TTC7A: variants seen among roughly 807,000 people sequenced by gnomAD.
TTC7A encodes tetratricopeptide repeat domain 7A.
A neutral mutation model predicts 103.7 loss-of-function variants in TTC7A; 110 were observed. The observed-to-expected ratio is 1.06, with a 90% CI of 0.91 to 1.24. TTC7A has a LOEUF of 1.24. Among genes scored for constraint, TTC7A ranks in the 50% most tolerant of loss-of-function variants. TTC7A has a pLI of 0.00. For synonymous variants in TTC7A, 521 were observed against 467.9 expected (o/e 1.11, Z -1.47); for missense variants, 1,340 against 1,116.3 (o/e 1.20, Z -2.86).
intron 14 of TTC7A, among the ~76,000 whole-genome samples, chr2:47,028,225 G>T (rs1490863361): frequency 2.0e-5 from 3 of 152,172 alleles, no homozygotes; most frequent in African/African-American, 7.2e-5. Context: ...TGGCAAGGTG[G>T]CAGGCAGCCA....
At chr2:46,996,535 A>G (rs1676205032) in intron 8 of TTC7A, among the ~76,000 whole-genome samples, 1 of 152,150 alleles carries the variant, frequency 6.6e-6, no homozygotes, top group African/African-American at 2.4e-5. Flanking sequence ...AGCAAATAGG[A>G]GCAGGCGCTG....
intron 8 of TTC7A, among the ~76,000 whole-genome samples, chr2:46,996,900 C>T (rs1042015601): frequency 7.2e-5 from 11 of 152,076 alleles, no homozygotes; most frequent in East Asian, 1.9e-4. Context: ...CATTTCACCA[C>T]GTTCACCCTC....
intron 16 of TTC7A, chr2:47,046,963 C>T (rs1384945311): frequency 3.1e-6 from 1 of 322,672 alleles, no homozygotes; most frequent in African/African-American, 2.1e-5. Flanking sequence ...GCCACCCCTT[C>T]TTCCCTAGTC....
chr2:46,994,641 C>G, intron 7 of TTC7A, 127 bp downstream of exon 7: 1 of 928,148 alleles, frequency 1.1e-6, no homozygotes, highest in Non-Finnish European at 1.6e-6. Flanking sequence ...GCCAGCCAGC[C>G]TCCTCAGTCT....
intron 2 of TTC7A, among the ~76,000 whole-genome samples, chr2:46,922,283 T>G (rs372435691): frequency 5.3e-5 from 8 of 152,234 alleles, no homozygotes; most frequent in African/African-American, 1.7e-4. Context: ...TACTCATGGT[T>G]GATTATTTCC....
chr2:46,962,242 T>C (rs10495941), intron 3 of TTC7A, among the ~76,000 whole-genome samples: 101,918 of 152,038 alleles, frequency 0.67, 34,697 homozygotes, highest in East Asian at 0.75. Flanking sequence ...CACAAAGCTG[T>C]TTCCTTACAT....
intron 13 of TTC7A, among the ~76,000 whole-genome samples, 166 bp downstream of exon 13, chr2:47,023,631 G>A (rs919288062): frequency 5.3e-5 from 8 of 152,264 alleles, no homozygotes; most frequent in Non-Finnish European, 8.8e-5. Flanking sequence ...TGGGGATTGG[G>A]CAGGCAGCCG....
At chr2:47,072,547 G>A (rs986107105) in intron 19 of TTC7A, among the ~76,000 whole-genome samples, 2 of 152,244 alleles carry the variant, frequency 1.3e-5, no homozygotes, top group Non-Finnish European at 2.9e-5. Context: ...TGGGGAGCTC[G>A]CTGAGGAGGA....
chr2:47,056,053 G>C (rs946735515), intron 18 of TTC7A, among the ~76,000 whole-genome samples: 1 of 152,160 alleles, frequency 6.6e-6, no homozygotes, highest in Non-Finnish European at 1.5e-5. Context: ...TCTCAGGACA[G>C]GCCCATGCAG....
chr2:46,965,387 G>A (rs1280170746), intron 3 of TTC7A, among the ~76,000 whole-genome samples: 1 of 152,154 alleles, frequency 6.6e-6, no homozygotes, highest in Admixed American at 6.5e-5. Context: ...ACATGGACAG[G>A]AGCTCAGTCC....
chr2:47,073,630 G>T, intron 19 of TTC7A, 72 bp from the exon 20 acceptor site: 1 of 1,367,634 alleles, frequency 7.3e-7, no homozygotes, highest in Non-Finnish European at 1.0e-6. Flanking sequence ...GTGCACCTGT[G>T]CTTGGCCCAG....
chr2:47,018,113 C>T (rs992484600), intron 11 of TTC7A, among the ~76,000 whole-genome samples: 1 of 151,462 alleles, frequency 6.6e-6, no homozygotes, highest in Non-Finnish European at 1.5e-5. Flanking sequence ...CCCATCTCTA[C>T]AAACAATACA....
intron 18 of TTC7A, 26 bp from the exon 19 acceptor site, chr2:47,060,743 C>G: frequency 6.4e-7 from 1 of 1,571,358 alleles, no homozygotes; most frequent in Non-Finnish European, 8.7e-7. Context: ...CCACTCACAC[C>G]TCCCACTGCC....
rs779390493 is a variant in TTC7A, at chr2:47,029,371, C to T, written c.1789C>T (p.Pro597Ser). Reference sequence around the variant, plus strand: ...TGTCAACATGGCCATCACCGAGCACCCTGAGAACTTCAAGTGAGTGCCCTG... The same window carrying T: ...TGTCAACATGGCCATCACCGAGCACTCTGAGAACTTCAAGTGAGTGCCCTG... The part of the protein sequence containing the change: ...DVVNMAITEH[P>S]ENFNLMFTKV... The change falls in exon 15 of 20, where the codon CCT (proline) becomes TCT (serine). Residue 597 changes from proline (P) to serine (S), a missense_variant. Physicochemically the swap from Pro to Ser is moderately conservative, Grantham distance 74 (BLOSUM62 -1). Transcript: ENST00000319190. 6.2e-7 allele frequency: 1 copy of T among 1,613,834 alleles called. No individual in the cohort carries two copies. Among genetic ancestry groups the T allele is most frequent in the East Asian group, 2.2e-5 (1 of 44,884 alleles).
intron 19 of TTC7A, among the ~76,000 whole-genome samples, chr2:47,063,050 TCA>T (rs1454256225): frequency 6.6e-6 from 1 of 152,238 alleles, no homozygotes; most frequent in Non-Finnish European, 1.5e-5. Flanking sequence ...TGCTAAGCGC[TCA>T]TTTTCTAAAG....
chr2:46,995,145 C>A lies in TTC7A; in HGVS notation c.1011C>A (p.Cys337Ter). 6.2e-7 allele frequency: 1 copy of A among 1,614,154 alleles called. No homozygotes were observed. The highest frequency in any genetic ancestry group is 8.5e-7 in the Non-Finnish European group (1 of 1,180,008). ...PHLYEGDNLY[C>*]PKDNIEEALL... The stretch of plus-strand genomic sequence containing the variant: ...CATTGGTGTCTTTCAGCCTCTACTG[C>A]CCCAAGGACAACATCGAGGAAGCCC... The change falls in exon 8 of 20, where the codon TGC becomes TGA. Residue 337 changes from cysteine (C) to a stop codon, truncating the protein, a stop_gained. Coordinates refer to ENST00000319190, the MANE Select transcript of TTC7A (RefSeq NM_020458.4). LOFTEE classifies it high-confidence loss of function.
chr2:46,977,990 A>C (rs576060368), intron 4 of TTC7A: 1 of 152,204 alleles, frequency 6.6e-6, no homozygotes, highest in Non-Finnish European at 1.5e-5. Flanking sequence ...CTTGGGTGGC[A>C]ATTTTCTAAG....
chr2:46,955,677 T>C (rs923759846), intron 2 of TTC7A, among the ~76,000 whole-genome samples: 1 of 152,188 alleles, frequency 6.6e-6, no homozygotes, highest in Admixed American at 6.5e-5. Context: ...AGCCTGTCTG[T>C]GCCACGCTTC....
At chr2:47,038,154 G>A (rs1681320313) in intron 15 of TTC7A, among the ~76,000 whole-genome samples, 1 of 152,006 alleles carries the variant, frequency 6.6e-6, no homozygotes, top group African/African-American at 2.4e-5. Context: ...AGCTACTCAG[G>A]AGGCTGAGGC....
Sources: gnomAD v4.1 joint callset for allele counts (sites outside exome capture counted in the v4.1 genomes callset) on GRCh38, gnomAD v4.1.1 for gene constraint, MANE v1.5 for transcripts, NCBI Gene and HGNC (gene_info 2026-07-23, HGNC 2026-07-21) for gene names.